SYNPR: variants seen among roughly 807,000 people sequenced by gnomAD.
The protein encoded by SYNPR is synaptoporin.
Under a neutral mutation model 32.9 loss-of-function variants are expected in SYNPR, and 23 were observed. The ratio of observed to expected loss-of-function variants is 0.70; its 90% confidence interval spans 0.50 to 0.99. The LOEUF is 0.99. Ranked by LOEUF, SYNPR falls within the 50% of genes least tolerant of loss-of-function variation. SYNPR has a pLI of 0.00. For missense variants in SYNPR, 318 were observed against 349.3 expected (o/e 0.91, Z 0.71); for synonymous variants, 146 against 135.9 (o/e 1.07, Z -0.52).
intron 2 of SYNPR, among the ~76,000 whole-genome samples, chr3:63,464,060 C>T (rs945081074): frequency 5.9e-5 from 9 of 152,008 alleles, no homozygotes; most frequent in African/African-American, 1.7e-4. Context: ...TGAGTTTCAC[C>T]CTGTTTAGAG....
intron 2 of SYNPR, among the ~76,000 whole-genome samples, chr3:63,310,610 G>A (rs1202780410): frequency 6.6e-6 from 1 of 151,990 alleles, no homozygotes; most frequent in African/African-American, 2.4e-5. Flanking sequence ...TCCAAGGCCA[G>A]TGGGAAGAAT....
chr3:63,445,652 C>A, intron 2 of SYNPR: 2 of 604,746 alleles, frequency 3.3e-6, no homozygotes, highest in South Asian at 2.0e-5. Flanking sequence ...GACAAGCACT[C>A]TATGAGGGCC....
In SYNPR at chr3:63,615,824, C is replaced by A; in HGVS notation, c.*343C>A. The A allele has an allele frequency of 5.7e-6, 1 of 175,638 alleles. No homozygotes were observed. Among genetic ancestry groups the A allele is most frequent in the Non-Finnish European group, 1.2e-5 (1 of 83,788 alleles). The allele number at this position is 175,638 out of a possible 1,614,324, so 10.9% of individuals were successfully genotyped here. On this transcript the variant is annotated 3_prime_UTR_variant, in exon 6 of 6. Coordinates refer to ENST00000478300, the MANE Select transcript of SYNPR (RefSeq NM_001130003.2). ...AATATGCATAAAGTAAATCAAATAG[C>A]GTTGAGTTTTCTTATGCATTTTGAT...
chr3:63,341,431 C>G (rs1215839925), intron 2 of SYNPR, among the ~76,000 whole-genome samples: 2 of 152,194 alleles, frequency 1.3e-5, no homozygotes, highest in Non-Finnish European at 2.9e-5. Flanking sequence ...AACTACCAGA[C>G]TGTGTTTCAG....
intron 4 of SYNPR, among the ~76,000 whole-genome samples, chr3:63,579,123 T>A (rs1456085320): frequency 1.3e-5 from 2 of 152,174 alleles, no homozygotes; most frequent in Non-Finnish European, 2.9e-5. Context: ...AAATCCAATT[T>A]CCATGGGGCA....
At chr3:63,428,874 G>A (rs1005372166) in intron 2 of SYNPR, among the ~76,000 whole-genome samples, 1 of 152,288 alleles carries the variant, frequency 6.6e-6, no homozygotes, top group African/African-American at 2.4e-5. Context: ...TATGCTGTTG[G>A]CCAGAGAAAG....
intron 2 of SYNPR, among the ~76,000 whole-genome samples, chr3:63,364,425 G>C (rs559952217): frequency 4.6e-5 from 7 of 152,140 alleles, no homozygotes; most frequent in African/African-American, 1.7e-4. Flanking sequence ...TGAGCTCATG[G>C]AGAAAGAAGA....
intron 3 of SYNPR, among the ~76,000 whole-genome samples, chr3:63,494,375 G>A (rs1238772804): frequency 9.7e-6 from 1 of 102,688 alleles, no homozygotes; most frequent in East Asian, 2.6e-4. Context: ...TCAAAAAGTA[G>A]GGTGGATATG....
chr3:63,208,548 C>T, the SYNPR span, among the ~76,000 whole-genome samples: 1 of 152,174 alleles, frequency 6.6e-6, no homozygotes, highest in Non-Finnish European at 1.5e-5. Context: ...AAAGTACTTT[C>T]CCACAGAACT....
intron 3 of SYNPR, among the ~76,000 whole-genome samples, chr3:63,537,095 G>A (rs1208034855): frequency 1.3e-5 from 2 of 151,960 alleles, no homozygotes; most frequent in East Asian, 3.9e-4. Context: ...TTACTGAAAC[G>A]TGCACTTTAA....
chr3:63,265,004 A>C (rs913662770), intron 2 of SYNPR, among the ~76,000 whole-genome samples: 1 of 152,086 alleles, frequency 6.6e-6, no homozygotes, highest in Non-Finnish European at 1.5e-5. Context: ...AATGAGATTT[A>C]GGTGGGGACA....
At chr3:63,466,501 A>G (rs993611043) in intron 2 of SYNPR, among the ~76,000 whole-genome samples, 1 of 151,134 alleles carries the variant, frequency 6.6e-6, no homozygotes, top group African/African-American at 2.4e-5. Context: ...TGGTGTGGTC[A>G]TCTTCCTTTA....
Position 63,321,529 on chromosome 3 carries a change from T to A in SYNPR, c.84+42787T>A, listed in dbSNP as rs148654565. Among the ~76,000 whole-genome samples, 28 of 152,196 alleles carry A rather than the reference T, an allele frequency of 1.8e-4. No homozygotes were observed. In the East Asian group the frequency reaches 5.2e-3, roughly 28 times the overall value. ...GAGCAATTAATTTTAAGCCCCTGAA[T>A]ACAGAATACCATGTGTGTCAATATC... On this transcript the variant is annotated intron_variant, in intron 2 of 5. Transcript: ENST00000478300.
chr3:63,554,030 T>G (rs1284561853), intron 3 of SYNPR, among the ~76,000 whole-genome samples: 1 of 152,204 alleles, frequency 6.6e-6, no homozygotes, highest in Middle Eastern at 3.2e-3. Flanking sequence ...CCCTATGTCT[T>G]TTTTTGAGAA....
At chr3:63,507,454 G>A (rs538918093) in intron 3 of SYNPR, among the ~76,000 whole-genome samples, 14 of 152,244 alleles carry the variant, frequency 9.2e-5, no homozygotes, top group African/African-American at 2.6e-4. Flanking sequence ...CATATGTTCC[G>A]AGAAGTAACG....
intron 1 of SYNPR, among the ~76,000 whole-genome samples, chr3:63,234,005 A>C (rs1391701027): frequency 1.3e-5 from 2 of 152,204 alleles, no homozygotes; most frequent in Non-Finnish European, 2.9e-5. Context: ...GAGCACATAC[A>C]TTAGGTGTGT....
At chr3:63,435,435 C>T (rs962559203) in intron 2 of SYNPR, among the ~76,000 whole-genome samples, 10 of 152,194 alleles carry the variant, frequency 6.6e-5, no homozygotes, top group Non-Finnish European at 1.5e-4. Flanking sequence ...CAAATTTCTC[C>T]ATTACGTAAG....
chr3:63,424,902 T>G (rs1699866492), intron 2 of SYNPR, among the ~76,000 whole-genome samples: 1 of 152,218 alleles, frequency 6.6e-6, no homozygotes, highest in Non-Finnish European at 1.5e-5. Flanking sequence ...GACAGTAATC[T>G]TTCCTCAACT....
At chr3:63,581,204 T>C (rs779626097) in intron 4 of SYNPR, among the ~76,000 whole-genome samples, 1 of 152,058 alleles carries the variant, frequency 6.6e-6, no homozygotes, top group South Asian at 2.1e-4. Flanking sequence ...AAAAACAAAC[T>C]CAACCAGTCT....
Sources: gnomAD v4.1 joint callset for allele counts (sites outside exome capture counted in the v4.1 genomes callset) on GRCh38, gnomAD v4.1.1 for gene constraint, MANE v1.5 for transcripts, NCBI Gene and HGNC (gene_info 2026-07-23, HGNC 2026-07-21) for gene names.